The following RAB3IL1 variants were observed in gnomAD, a reference collection of about 807,000 sequenced individuals.
RAB3IL1 encodes the protein RAB3A interacting protein like 1.
In RAB3IL1, 37 loss-of-function variants were observed where a neutral mutation model predicts 49.2. The ratio of observed to expected loss-of-function variants is 0.75; its 90% CI spans 0.58 to 0.99. RAB3IL1 has a LOEUF of 0.99. Ranked by LOEUF, RAB3IL1 falls within the 50% of genes least tolerant of loss-of-function variation. RAB3IL1 has a pLI of 0.00. For missense variants in RAB3IL1, 484 were observed against 513.0 expected, an observed-to-expected ratio of 0.94 and a Z score of 0.55; for synonymous variants, 193 against 213.9, an observed-to-expected ratio of 0.90 and a Z score of 0.85.
the RAB3IL1 span, among the ~76,000 whole-genome samples, chr11:61,938,252 A>C: frequency 6.6e-6 from 1 of 152,194 alleles, no homozygotes; most frequent in East Asian, 1.9e-4. Flanking sequence ...AACAAACAAA[A>C]AAACCTGGTA....
intron 7 of RAB3IL1, among the ~76,000 whole-genome samples, chr11:61,902,798 G>C (rs911098101): frequency 3.9e-5 from 6 of 152,182 alleles, no homozygotes; most frequent in Non-Finnish European, 5.9e-5. Flanking sequence ...AGAGAGCTTG[G>C]TTAATCTCAT....
the RAB3IL1 span, among the ~76,000 whole-genome samples, chr11:61,938,701 A>C: frequency 6.6e-6 from 1 of 152,068 alleles, no homozygotes; most frequent in Non-Finnish European, 1.5e-5. Context: ...CGAGGTGGGC[A>C]GATCACCTGA....
At chr11:61,905,548 GGACAGACA>G (rs879881608) in intron 5 of RAB3IL1, among the ~76,000 whole-genome samples, 17 of 152,038 alleles carry the variant, frequency 1.1e-4, no homozygotes, top group Non-Finnish European at 2.2e-4. Flanking sequence ...TGGGCCGGAT[GGACAGACA>G]GACAGACAGA....
intron 1 of RAB3IL1, 44 bp downstream of exon 1, chr11:61,917,313 G>A (rs2134363702): frequency 7.4e-7 from 1 of 1,354,316 alleles, no homozygotes; most frequent in African/African-American, 1.5e-5. Flanking sequence ...GGAGGCGACC[G>A]CGGCCCAGAC....
the RAB3IL1 span, among the ~76,000 whole-genome samples, chr11:61,938,237 A>C: frequency 1.3e-5 from 2 of 152,106 alleles, no homozygotes; most frequent in African/African-American, 2.4e-5. Context: ...CTACTAAAAC[A>C]AACAAACAAA....
intron 1 of RAB3IL1, among the ~76,000 whole-genome samples, chr11:61,915,371 T>C (rs1478301685): frequency 6.6e-6 from 1 of 152,096 alleles, no homozygotes; most frequent in East Asian, 1.9e-4. Flanking sequence ...CAACCATCCA[T>C]CTACTGGTGG....
chr11:61,917,451 G>T lies in RAB3IL1; in HGVS notation c.-84C>A. 8.5e-7 allele frequency: 1 copy of T among 1,173,156 alleles called. No individual in the cohort carries two copies. The highest frequency in any genetic ancestry group is 4.2e-5 in the South Asian group (1 of 23,968). 72.7% of individuals were successfully genotyped at this position (1,173,156 alleles called of 1,614,324 possible). ...CGCGTCCCCGCCCGCCGCCGACTCC[G>T]CCAGGGGCCGAGCCGCCCCACCGCC... On this transcript the variant is annotated 5_prime_UTR_variant, in exon 1 of 10. Coordinates refer to ENST00000394836, the MANE Select transcript of RAB3IL1 (RefSeq NM_013401.4).
At position 61,907,580 on chromosome 11, in the gene RAB3IL1, C is replaced by A. The variant is rs375845758; in HGVS notation, c.345G>T (p.Thr115=). 2.0e-5 allele frequency: 32 copies of A among 1,613,968 alleles called. No homozygotes were observed. The African/African-American group carries it at 4.1e-4, about 21-fold the overall frequency. ...GCCGGTGTACCTCAAACAGGCTGGC[C>A]GTCAGCTCTTCCAGCTCCTGTTCTA... is the stretch of plus-strand genomic sequence containing the variant. The part of the protein sequence containing the change: ...EQLEQELEEL[T]ASLFEEAHKM... Residue 115 remains threonine (T), a synonymous_variant, in exon 3 of 10, where the codon ACG becomes ACT. Transcript: ENST00000394836.
the RAB3IL1 span, among the ~76,000 whole-genome samples, chr11:61,932,250 CAA>C: frequency 2.6e-5 from 3 of 117,056 alleles, no homozygotes; most frequent in East Asian, 2.3e-4. Context: ...GACTCTGTCT[CAA>C]AAAAAAAAAG....
In RAB3IL1 at chr11:61,906,793, T is replaced by C. The variant is rs1241453322; in HGVS notation, c.439-109A>G. On this transcript the variant is annotated intron_variant, in intron 4 of 9. Transcript: ENST00000394836. The surrounding 1 kb of genome is among the most constrained non-coding windows in gnomAD (Gnocchi z 4.6). The stretch of plus-strand genomic sequence containing the variant: ...AATGCACCCCTGCAGTGACAGGCAC[T>C]TAGTCCCACCCGACGCCCTCAGAAC... 9.6e-7 allele frequency: 1 copy of C among 1,045,826 alleles called. No homozygotes were observed. Among genetic ancestry groups the C allele is most frequent in the African/African-American group, 1.6e-5 (1 of 64,002 alleles). 64.8% of individuals were successfully genotyped at this position (1,045,826 alleles called of 1,614,324 possible). A position where few individuals can be genotyped will look rare whatever the true frequency, so the allele number is the denominator to read the frequency against.
At chr11:61,938,681 T>C in the RAB3IL1 span, among the ~76,000 whole-genome samples, 1 of 152,152 alleles carries the variant, frequency 6.6e-6, no homozygotes, top group Non-Finnish European at 1.5e-5. Context: ...ATCCCAGCAC[T>C]TTGGGAGGCC....
chr11:61,936,684 C>G, the RAB3IL1 span, among the ~76,000 whole-genome samples: 1 of 152,286 alleles, frequency 6.6e-6, no homozygotes, highest in South Asian at 2.1e-4. Flanking sequence ...AGTGACTCAT[C>G]ACATATAAGC....
At chr11:61,914,633 A>G (rs1939599653) in intron 1 of RAB3IL1, among the ~76,000 whole-genome samples, 1 of 152,168 alleles carries the variant, frequency 6.6e-6, no homozygotes, top group African/African-American at 2.4e-5. Context: ...GCCCATGCTC[A>G]GGAGTCCCAA....
upstream of RAB3IL1, chr11:61,920,162 G>A: frequency 7.6e-7 from 1 of 1,322,922 alleles, no homozygotes; most frequent in South Asian, 2.1e-5. Flanking sequence ...CCTCGGGCGG[G>A]GCACCCAGCG....
chr11:61,904,558 C>T lies in RAB3IL1; in HGVS notation c.887G>A (p.Cys296Tyr), dbSNP rs1291464392. Residue 296 changes from cysteine (C) to tyrosine (Y), a missense_variant, in exon 7 of 10, where the codon TGT (cysteine) becomes TAT (tyrosine). Physicochemically the swap from Cys to Tyr is radical, Grantham distance 194 (BLOSUM62 -2). Coordinates refer to ENST00000394836, the MANE Select transcript of RAB3IL1 (RefSeq NM_013401.4). ...LPTVKVAEVDCSSTNTCALSG... is the reference protein window; with the variant it reads ...LPTVKVAEVDYSSTNTCALSG... ...ACCCTCAGCTTACTTGGTGCTGCTA[C>T]AGTCAACCTCGGCCACCTTCACTGT... is the stretch of plus-strand genomic sequence containing the variant. The T allele has an allele frequency of 1.2e-6, 2 of 1,610,658 alleles. No homozygotes were observed. The highest frequency in any genetic ancestry group is 1.1e-5 in the South Asian group (1 of 90,272).
the RAB3IL1 span, among the ~76,000 whole-genome samples, chr11:61,938,533 A>G: frequency 2.0e-5 from 3 of 152,248 alleles, no homozygotes; most frequent in Non-Finnish European, 4.4e-5. Context: ...ATTCATCAAG[A>G]AGATATAACA....
chr11:61,903,292 C>G lies in RAB3IL1; in HGVS notation c.900-751G>C, dbSNP rs1939014940. Among the ~76,000 whole-genome samples the G allele has an allele frequency of 2.0e-5, 3 of 152,250 alleles. No individual in the cohort carries two copies. In the East Asian group the frequency reaches 5.8e-4, roughly 29 times the overall value. Reference sequence around the variant, plus strand: ...TGGCTCCTTCTGGCCAGCTCTCTGCCTCATCGCTCTCTTTCTTCTCCACAT... The same window carrying G: ...TGGCTCCTTCTGGCCAGCTCTCTGCGTCATCGCTCTCTTTCTTCTCCACAT... On this transcript the variant is annotated intron_variant, in intron 7 of 9. Transcript: ENST00000394836.
At chr11:61,907,286 C>T (rs1253923939) in intron 4 of RAB3IL1, 107 bp downstream of exon 4, 8 of 1,205,894 alleles carry the variant, frequency 6.6e-6, no homozygotes, top group Non-Finnish European at 9.5e-6. Context: ...CTGCTGGCCC[C>T]ACCGGGCCAG....
rs750992916 is a variant in RAB3IL1, at chr11:61,898,980, T to C, written c.1066+334A>G. 5.7e-5 allele frequency: 29 copies of C among 512,554 alleles called. No homozygotes were observed. The highest frequency in any genetic ancestry group is 4.6e-4 in the South Asian group (29 of 63,478). The allele number at this position is 512,554 out of a possible 1,614,324, so 31.8% of individuals were successfully genotyped here. On this transcript the variant is annotated intron_variant, in intron 9 of 9. Coordinates refer to ENST00000394836, the MANE Select transcript of RAB3IL1 (RefSeq NM_013401.4). The surrounding 1 kb of genome is among the most constrained non-coding windows in gnomAD (Gnocchi z 5.1). ...AGGCCCTGTCCAGCATGGAGTGGAG[T>C]GGGAGCAAAGGCTGGAGGTGGGTGA...
Sources: allele counts gnomAD v4.1 joint callset (sites outside exome capture counted in the v4.1 genomes callset), GRCh38; gene constraint gnomAD v4.1.1; non-coding constraint Gnocchi (gnomAD v3.1); transcripts MANE v1.5; gene names NCBI Gene and HGNC (gene_info 2026-07-23, HGNC 2026-07-21).